The following TTLL5 variants were observed in gnomAD, a reference collection of about 807,000 sequenced individuals.
The protein encoded by TTLL5 is tubulin polyglutamylase TTLL5.
In TTLL5, 132 loss-of-function variants were observed where a neutral mutation model predicts 168.4. The observed-to-expected ratio is 0.78, with a 90% CI of 0.68 to 0.91. The LOEUF is 0.91. Ranked by LOEUF, TTLL5 falls within the 40% of genes least tolerant of loss-of-function variation. The pLI is 0.00. For synonymous variants in TTLL5, 546 were observed against 558.6 expected, an observed-to-expected ratio of 0.98 and a Z score of 0.32; for missense variants, 1,545 against 1,581.5, an observed-to-expected ratio of 0.98 and a Z score of 0.39.
Position 75,902,136 on chromosome 14 carries a change from T to A in TTLL5, c.3741-6T>A. 7 of 1,614,128 alleles carry A rather than the reference T, an allele frequency of 4.3e-6. No homozygotes were observed. The highest frequency in any genetic ancestry group is 5.9e-6 in the Non-Finnish European group (7 of 1,179,998). On this transcript the variant is annotated splice_polypyrimidine_tract_variant and splice_region_variant and intron_variant, in intron 30 of 31. Coordinates refer to ENST00000298832, the MANE Select transcript of TTLL5 (RefSeq NM_015072.5). Reference sequence around the variant, plus strand: ...GCAGGTCTGACCAAGCTCCTTTGTGTTTCAGAGGGTCCTCCGCGGAAGGGC... The same window carrying A: ...GCAGGTCTGACCAAGCTCCTTTGTGATTCAGAGGGTCCTCCGCGGAAGGGC...
intron 13 of TTLL5, 21 bp downstream of exon 13, chr14:75,732,440 A>G: frequency 6.2e-7 from 1 of 1,605,140 alleles, no homozygotes. Context: ...TCCATCAACT[A>G]AAAAAGGACA....
rs867363324 is a variant in TTLL5 at position 75,863,935 on chromosome 14, G to A, written c.3522+73G>A. The A allele has an allele frequency of 5.5e-3, 3,374 of 616,134 alleles. 148 individuals carry two copies. The African/African-American group carries it at 0.12, about 22-fold the overall frequency. 38.2% of individuals were successfully genotyped at this position (616,134 alleles called of 1,614,324 possible). On this transcript the variant is annotated intron_variant, in intron 29 of 31. Transcript: ENST00000298832. ...GTAAAAAAAAAAAAAAAAAAAAAAA[G>A]GTCAGTGAATGAGAAATGTAGGATT...
chr14:75,676,638 G>C (rs1208523596), intron 3 of TTLL5, among the ~76,000 whole-genome samples: 1 of 152,266 alleles, frequency 6.6e-6, no homozygotes, highest in Non-Finnish European at 1.5e-5. Flanking sequence ...AGGTGATATG[G>C]ATTAGAAGTG....
chr14:75,711,837 C>T (rs2140183162), intron 9 of TTLL5: 1 of 152,374 alleles, frequency 6.6e-6, no homozygotes, highest in South Asian at 2.1e-4. Context: ...GGATATTTAC[C>T]TTTTCTCTGC....
chr14:75,934,120 G>A (rs1262660176), intron 31 of TTLL5, among the ~76,000 whole-genome samples: 1 of 152,240 alleles, frequency 6.6e-6, no homozygotes, highest in Non-Finnish European at 1.5e-5. Context: ...ATGAGAGCCT[G>A]AGAAAGCTCC....
At position 75,849,446 on chromosome 14, in the gene TTLL5, T is replaced by C. The variant is rs536844412; in HGVS notation, c.3327-14221T>C. ...TTGTGATAGTGATTCAGTAGATGAT[T>C]TAATGCACAAAGAAGGAGGTCATAT... On this transcript the variant is annotated intron_variant, in intron 28 of 31. Transcript: ENST00000298832. 1.9e-4 allele frequency among the ~76,000 whole-genome samples: 29 copies of C among 152,308 alleles called. No homozygotes were observed. The South Asian group carries it at 4.8e-3, about 25-fold the overall frequency.
At chr14:75,900,691 A>G (rs1295943173) in intron 30 of TTLL5, among the ~76,000 whole-genome samples, 7 of 152,114 alleles carry the variant, frequency 4.6e-5, no homozygotes, top group Non-Finnish European at 1.0e-4. Flanking sequence ...CAGAGTCATT[A>G]TATATGCAAT....
chr14:75,674,703 G>A (rs1169294180), intron 3 of TTLL5, among the ~76,000 whole-genome samples: 6 of 151,950 alleles, frequency 3.9e-5, no homozygotes, highest in Non-Finnish European at 5.9e-5. Context: ...GCATTTTTCT[G>A]TAATTTGTCC....
At chr14:75,828,616 G>A (rs537902446) in intron 28 of TTLL5, among the ~76,000 whole-genome samples, 2 of 152,206 alleles carry the variant, frequency 1.3e-5, no homozygotes, top group African/African-American at 2.4e-5. Flanking sequence ...GCAGGGGTTG[G>A]CACCCCAACC....
chr14:75,690,085 T>C (rs1356320939), intron 5 of TTLL5, 107 bp from the exon 6 acceptor site: 1 of 1,216,680 alleles, frequency 8.2e-7, no homozygotes, highest in Non-Finnish European at 1.2e-6. Context: ...CAATACTATC[T>C]TCACTAACCG....
Position 75,766,082 on chromosome 14 carries a change from A to G in TTLL5, c.1729A>G (p.Met577Val), listed in dbSNP as rs200051063. The change falls in exon 20 of 32, where the codon ATG (methionine) becomes GTG (valine). Residue 577 changes from methionine (M) to valine (V), a missense_variant. By Grantham distance (21) the Met-to-Val change is conservative. Transcript: ENST00000298832. ...KYPVITQPAEMNVKTETESEE... is the reference protein window; with the variant it reads ...KYPVITQPAEVNVKTETESEE... ...TTTAGTGATTACCCAACCAGCTGAA[A>G]TGAATGTTAAAACTGAGACAGAGAG... The G allele has an allele frequency of 8.1e-6, 13 of 1,612,026 alleles. No homozygotes were observed. In the East Asian group the frequency reaches 2.5e-4, roughly 30 times the overall value.
rs2140319388 is a variant in TTLL5, at chr14:75,776,737, C to T, written c.2284-10C>T. The T allele has an allele frequency of 6.2e-7, 1 of 1,607,878 alleles. No individual in the cohort carries two copies. On this transcript the variant is annotated splice_polypyrimidine_tract_variant and intron_variant, in intron 22 of 31. Coordinates refer to ENST00000298832, the MANE Select transcript of TTLL5 (RefSeq NM_015072.5). ...TTGTTGTTTTTCTGTGGGGTTTGGG[C>T]ACTGGGTAGGAAACAGAACAAATGG...
chr14:75,808,207 A>T (rs1407664936), intron 27 of TTLL5, among the ~76,000 whole-genome samples: 1 of 152,172 alleles, frequency 6.6e-6, no homozygotes, highest in Non-Finnish European at 1.5e-5. Context: ...GGATTTTGGA[A>T]CACTAAATGT....
At chr14:75,836,583 C>G (rs547051920) in intron 28 of TTLL5, among the ~76,000 whole-genome samples, 30 of 152,080 alleles carry the variant, frequency 2.0e-4, no homozygotes, top group African/African-American at 6.8e-4. Flanking sequence ...AGGATAAATG[C>G]TTGGGGTGAT....
intron 23 of TTLL5, among the ~76,000 whole-genome samples, chr14:75,777,595 G>C (rs573666809): frequency 1.3e-5 from 2 of 152,122 alleles, no homozygotes; most frequent in East Asian, 3.9e-4. Flanking sequence ...TTACACTGGA[G>C]GATTTTTTTC....
intron 27 of TTLL5, among the ~76,000 whole-genome samples, chr14:75,812,518 T>C (rs1287499484): frequency 3.9e-5 from 6 of 152,226 alleles, no homozygotes; most frequent in Middle Eastern, 3.2e-3. Flanking sequence ...TTGTCCACTT[T>C]TGCATTCTTG....
intron 31 of TTLL5, among the ~76,000 whole-genome samples, chr14:75,917,865 T>C (rs2033676010): frequency 6.6e-6 from 1 of 152,186 alleles, no homozygotes; most frequent in Non-Finnish European, 1.5e-5. Context: ...TAAGAGAGCA[T>C]TCCCTGCAGG....
intron 5 of TTLL5, among the ~76,000 whole-genome samples, chr14:75,686,836 A>C (rs534789433): frequency 6.6e-6 from 1 of 152,256 alleles, no homozygotes; most frequent in East Asian, 1.9e-4. Flanking sequence ...TTTTTTCACT[A>C]TCTGAGTAAT....
intron 27 of TTLL5, chr14:75,814,396 A>AGG: frequency 6.6e-6 from 1 of 152,196 alleles, no homozygotes; most frequent in African/African-American, 2.4e-5. Context: ...TTGTTATGTT[A>AGG]TTTGGAGAAA....
Sources: gnomAD v4.1 joint callset for allele counts (sites outside exome capture counted in the v4.1 genomes callset) on GRCh38, gnomAD v4.1.1 for gene constraint, MANE v1.5 for transcripts, NCBI Gene and HGNC (gene_info 2026-07-23, HGNC 2026-07-21) for gene names.